Variants in PTPRO observed in about 807,000 individuals in gnomAD.
PTPRO encodes the protein receptor-type tyrosine-protein phosphatase O.
Under a neutral mutation model 145.2 loss-of-function variants are expected in PTPRO, and 62 were observed. That is an observed-to-expected ratio of 0.43 (90% CI 0.35 to 0.53). The LOEUF is 0.53. Ranked by LOEUF, PTPRO falls within the 20% of genes least tolerant of loss-of-function variation. The probability of loss-of-function intolerance (pLI) is 0.01; values close to 1 mark genes in which losing one functional copy is unlikely to be tolerated. For missense variants in PTPRO, 1,345 were observed against 1,482.7 expected (o/e 0.91, Z 1.53); for synonymous variants, 565 against 514.7 (o/e 1.10, Z -1.32).
intron 1 of PTPRO, among the ~76,000 whole-genome samples, chr12:15,454,926 C>A (rs1941137372): frequency 6.6e-6 from 1 of 152,098 alleles, no homozygotes; most frequent in South Asian, 2.1e-4. Context: ...TGTCTATTCT[C>A]TTCCATCGGT....
At chr12:15,442,312 C>T (rs900382026) in intron 1 of PTPRO, among the ~76,000 whole-genome samples, 9 of 151,992 alleles carry the variant, frequency 5.9e-5, no homozygotes, top group African/African-American at 9.7e-5. Context: ...GTGATAAAAA[C>T]CCTCAAGAAA....
At chr12:15,517,550 G>A (rs1565679639) in intron 9 of PTPRO, among the ~76,000 whole-genome samples, 1 of 152,102 alleles carries the variant, frequency 6.6e-6, no homozygotes, top group Non-Finnish European at 1.5e-5. Context: ...TTTCATCTGA[G>A]ACAAGGCAAG....
At chr12:15,566,740 C>T (rs901460865) in intron 18 of PTPRO, among the ~76,000 whole-genome samples, 8 of 152,036 alleles carry the variant, frequency 5.3e-5, no homozygotes, top group African/African-American at 7.3e-5. Context: ...AGACTGGTCT[C>T]GAACTCCTGA....
chr12:15,355,837 A>G (rs1338356364), intron 1 of PTPRO, among the ~76,000 whole-genome samples: 1 of 152,222 alleles, frequency 6.6e-6, no homozygotes, highest in African/African-American at 2.4e-5. Flanking sequence ...AAAAGTATCT[A>G]TTCGTTTGAG....
rs78223111 is a variant in PTPRO at position 15,444,897 on chromosome 12, C to A, written c.76-39077C>A. Among the ~76,000 whole-genome samples the A allele has an allele frequency of 4.5e-3, 678 of 152,232 alleles. 3 individuals are homozygous for A. The highest frequency in any genetic ancestry group is 0.016 in the African/African-American group (652 of 41,562). ...ATAGATGACTTATAAGTAGTTTTCA[C>A]ACTGGCCTTATTCCACAGACCAGTC... On this transcript the variant is annotated intron_variant, in intron 1 of 26. Coordinates refer to ENST00000281171, the MANE Select transcript of PTPRO (RefSeq NM_030667.3).
chr12:15,374,331 A>C (rs1263554833), intron 1 of PTPRO, among the ~76,000 whole-genome samples: 1 of 152,214 alleles, frequency 6.6e-6, no homozygotes, highest in African/African-American at 2.4e-5. Context: ...GAAAACACTG[A>C]AAAAATTTTC....
Position 15,484,236 on chromosome 12 carries a change from CTG to C in PTPRO, c.342_343del (p.Leu115AsnfsTer13). 1 of 1,613,366 alleles carries C rather than the reference CTG, an allele frequency of 6.2e-7. No individual in the cohort carries two copies. The highest frequency in any genetic ancestry group is 8.5e-7 in the Non-Finnish European group (1 of 1,179,582). On this transcript the variant is annotated frameshift_variant, in exon 2 of 27. Transcript: ENST00000281171. LOFTEE classifies it high-confidence loss of function. ...GTGACCAAGCCATCCAGATCAATCA[CTG>C]TGTTAACAAGTAAGCATCATGTGTA...
chr12:15,558,581 T>C (rs931530688), intron 16 of PTPRO, among the ~76,000 whole-genome samples: 1 of 152,256 alleles, frequency 6.6e-6, no homozygotes, highest in Non-Finnish European at 1.5e-5. Context: ...CATGTACTAC[T>C]TACATGGTCT....
chr12:15,439,865 C>A (rs1940709533), intron 1 of PTPRO: 2 of 636,784 alleles, frequency 3.1e-6, no homozygotes, highest in Admixed American at 2.2e-5. Context: ...GGTGCAGAAG[C>A]AGACCCACGT....
chr12:15,526,401 T>A, intron 12 of PTPRO, 139 bp downstream of exon 12: 1 of 1,160,086 alleles, frequency 8.6e-7, no homozygotes, highest in Non-Finnish European at 1.3e-6. Flanking sequence ...ACATTTGTAC[T>A]AGCAAAAGGG....
chr12:15,555,107 G>A (rs879389785), intron 15 of PTPRO, among the ~76,000 whole-genome samples: 24 of 151,994 alleles, frequency 1.6e-4, no homozygotes, highest in Middle Eastern at 6.3e-3. Context: ...GCGTGGTGGC[G>A]GGTGCCTGTA....
chr12:15,324,149 C>T (rs1866379061), intron 1 of PTPRO, among the ~76,000 whole-genome samples: 1 of 152,084 alleles, frequency 6.6e-6, no homozygotes, highest in Non-Finnish European at 1.5e-5. Context: ...GTCTATTAGT[C>T]GTTTTCTAAC....
chr12:15,356,920 G>T (rs549061172), intron 1 of PTPRO, among the ~76,000 whole-genome samples: 1 of 152,164 alleles, frequency 6.6e-6, no homozygotes, highest in South Asian at 2.1e-4. Flanking sequence ...AGGCTTAAGG[G>T]GTCACGGTCA....
rs895062272 is a variant in PTPRO at position 15,465,343 on chromosome 12, T to G, written c.76-18631T>G. Among the ~76,000 whole-genome samples, 44 of 152,250 alleles carry G rather than the reference T, an allele frequency of 2.9e-4. 2 individuals carry two copies. Among genetic ancestry groups the G allele is most frequent in the Non-Finnish European group, 1.9e-4 (13 of 68,046 alleles). On this transcript the variant is annotated intron_variant, in intron 1 of 26. Coordinates refer to ENST00000281171, the MANE Select transcript of PTPRO (RefSeq NM_030667.3). ...TAACATTGTGAAATGAAGATGAACGTGCAAAATGTTCTAGCTATATTCTGT... is the reference window on the plus strand; with the variant it reads ...TAACATTGTGAAATGAAGATGAACGGGCAAAATGTTCTAGCTATATTCTGT...
intron 1 of PTPRO, among the ~76,000 whole-genome samples, chr12:15,450,431 C>G (rs1405535370): frequency 6.6e-6 from 1 of 152,130 alleles, no homozygotes; most frequent in Non-Finnish European, 1.5e-5. Context: ...TGTCGTTTTA[C>G]CAAGAACACA....
rs750792884 is a variant in PTPRO at position 15,551,548 on chromosome 12, T to G, written c.2438-3T>G. 6.2e-7 allele frequency: 1 copy of G among 1,613,090 alleles called. No homozygotes were observed. Among genetic ancestry groups the G allele is most frequent in the Non-Finnish European group, 8.5e-7 (1 of 1,179,778 alleles). ...GATGAAAATGCACAACTTATCTCTT[T>G]AGTTACAGAGATGAATCCCAATGTG... is the stretch of plus-strand genomic sequence containing the variant. On this transcript the variant is annotated splice_region_variant and splice_polypyrimidine_tract_variant and intron_variant, in intron 14 of 26. Transcript: ENST00000281171.
At chr12:15,517,740 A>G (rs1466536144) in intron 9 of PTPRO, among the ~76,000 whole-genome samples, 2 of 152,174 alleles carry the variant, frequency 1.3e-5, no homozygotes, top group Admixed American at 1.3e-4. Flanking sequence ...CTCCAAAATG[A>G]TATCCTTTGA....
chr12:15,387,371 G>A (rs1229521288), intron 1 of PTPRO, among the ~76,000 whole-genome samples: 1 of 137,336 alleles, frequency 7.3e-6, no homozygotes, highest in Non-Finnish European at 1.6e-5. Context: ...CGGGGTTGGG[G>A]AGGGGGGTGG....
chr12:15,469,862 T>C (rs2136413623), intron 1 of PTPRO, among the ~76,000 whole-genome samples: 1 of 152,208 alleles, frequency 6.6e-6, no homozygotes, highest in South Asian at 2.1e-4. Flanking sequence ...GAAACATTAG[T>C]TACTGTTTTT....
Sources: gnomAD v4.1 joint callset for allele counts (sites outside exome capture counted in the v4.1 genomes callset) on GRCh38, gnomAD v4.1.1 for gene constraint, MANE v1.5 for transcripts, NCBI Gene and HGNC (gene_info 2026-07-23, HGNC 2026-07-21) for gene names.